NKAIN2: variants seen among roughly 807,000 people sequenced by gnomAD.
NKAIN2 encodes sodium/potassium-transporting ATPase subunit beta-1-interacting protein 2.
Under a neutral mutation model 32.6 loss-of-function variants are expected in NKAIN2, and 14 were observed. The ratio of observed to expected loss-of-function variants is 0.43; its 90% CI spans 0.28 to 0.67. The LOEUF is 0.67. Among genes scored for constraint, NKAIN2 ranks in the 30% least tolerant of loss-of-function variants. The probability of loss-of-function intolerance (pLI) is 0.17; values close to 1 mark genes in which losing one functional copy is unlikely to be tolerated. For missense variants in NKAIN2, 198 were observed against 258.3 expected (o/e 0.77, Z 1.60); for synonymous variants, 80 against 87.2 (o/e 0.92, Z 0.46).
intron 1 of NKAIN2, among the ~76,000 whole-genome samples, chr6:123,901,616 C>G (rs117051100): frequency 3.5e-4 from 53 of 152,158 alleles, no homozygotes; most frequent in African/African-American, 1.0e-3. Flanking sequence ...ATTTCCCTTC[C>G]GGCTCCCTCT....
chr6:124,680,838 G>A (rs1291771038), intron 4 of NKAIN2, among the ~76,000 whole-genome samples: 4 of 151,760 alleles, frequency 2.6e-5, no homozygotes, highest in Admixed American at 6.6e-5. Flanking sequence ...TGTTCAATGA[G>A]ATACCTAACT....
chr6:124,797,015 G>A (rs2114821183), intron 5 of NKAIN2, among the ~76,000 whole-genome samples: 1 of 151,978 alleles, frequency 6.6e-6, no homozygotes, highest in South Asian at 2.1e-4. Flanking sequence ...TGGCTCTTCT[G>A]TCTCACTTCA....
intron 3 of NKAIN2, among the ~76,000 whole-genome samples, chr6:124,481,743 G>A (rs555484764): frequency 6.6e-6 from 1 of 152,060 alleles, no homozygotes; most frequent in Non-Finnish European, 1.5e-5. Context: ...AATTTGTTTA[G>A]ATATTCATTA....
At chr6:124,658,000 G>A (rs1365288455) in intron 3 of NKAIN2, among the ~76,000 whole-genome samples, 186 bp from the exon 4 acceptor site, 1 of 151,660 alleles carries the variant, frequency 6.6e-6, no homozygotes, top group Non-Finnish European at 1.5e-5. Context: ...TCATAAGTAG[G>A]ATGAATCCAT....
chr6:124,764,282 T>C (rs937114671), intron 4 of NKAIN2, among the ~76,000 whole-genome samples: 17 of 152,206 alleles, frequency 1.1e-4, no homozygotes, highest in Non-Finnish European at 2.5e-4. Context: ...TGTGAAAACC[T>C]TGAAAGTTTT....
intron 3 of NKAIN2, among the ~76,000 whole-genome samples, chr6:124,541,270 T>C (rs1779900674): frequency 6.6e-6 from 1 of 152,196 alleles, no homozygotes; most frequent in African/African-American, 2.4e-5. Flanking sequence ...GTAGTCTCTA[T>C]ATTATTGAAG....
chr6:124,150,643 T>A (rs1787666978), intron 1 of NKAIN2, among the ~76,000 whole-genome samples: 1 of 152,188 alleles, frequency 6.6e-6, no homozygotes. Context: ...CAATTCTGTA[T>A]GAAAATCTTT....
chr6:124,379,238 A>AGGGAGGGAGGGGGGGGGAGGAAGGG (rs1800148583), intron 3 of NKAIN2, among the ~76,000 whole-genome samples: 1 of 11,556 alleles, frequency 8.7e-5, no homozygotes, highest in Non-Finnish European at 1.9e-4. Flanking sequence ...GGGAGGAAGG[A>AGGGAGGGAGGGGGGGGGAGGAAGGG]GAGAAGGGAG....
intron 4 of NKAIN2, among the ~76,000 whole-genome samples, chr6:124,739,795 C>T (rs1268127442): frequency 1.3e-5 from 2 of 151,904 alleles, no homozygotes; most frequent in Non-Finnish European, 2.9e-5. Flanking sequence ...GATTCAAAAA[C>T]AGCCCGTGTG....
At chr6:123,935,784 C>G (rs1038268571) in intron 1 of NKAIN2, among the ~76,000 whole-genome samples, 11 of 151,958 alleles carry the variant, frequency 7.2e-5, no homozygotes, top group Non-Finnish European at 1.5e-4. Flanking sequence ...ATTTTCCAAC[C>G]ATGGAAACTG....
At chr6:124,690,547 T>C (rs1214657212) in intron 4 of NKAIN2, among the ~76,000 whole-genome samples, 1 of 152,204 alleles carries the variant, frequency 6.6e-6, no homozygotes, top group Non-Finnish European at 1.5e-5. Context: ...CACCATTAAA[T>C]ATGATGTAGC....
intron 4 of NKAIN2, among the ~76,000 whole-genome samples, chr6:124,730,380 G>A (rs1303980851): frequency 5.9e-5 from 6 of 101,808 alleles, no homozygotes; most frequent in Non-Finnish European, 1.2e-4. Context: ...CAATGGAACA[G>A]AACAGAGCCC....
intron 1 of NKAIN2, among the ~76,000 whole-genome samples, chr6:123,882,419 C>T (rs374775392): frequency 6.0e-4 from 92 of 152,090 alleles, no homozygotes; most frequent in Admixed American, 1.0e-3. Context: ...ATCTTGATTT[C>T]CAATGATTGT....
At chr6:124,696,227 G>A (rs1774488787) in intron 4 of NKAIN2, among the ~76,000 whole-genome samples, 2 of 152,136 alleles carry the variant, frequency 1.3e-5, no homozygotes, top group South Asian at 4.1e-4. Flanking sequence ...TGGAGAAGAT[G>A]AATTCTGGTT....
chr6:123,848,390 G>A (rs538643250), intron 1 of NKAIN2, among the ~76,000 whole-genome samples: 33 of 152,240 alleles, frequency 2.2e-4, no homozygotes, highest in Admixed American at 3.9e-4. Context: ...CCCATGTGTC[G>A]TGGGAGGGAC....
chr6:123,928,492 T>C (rs1359571292), intron 1 of NKAIN2, among the ~76,000 whole-genome samples: 1 of 152,228 alleles, frequency 6.6e-6, no homozygotes, highest in Non-Finnish European at 1.5e-5. Flanking sequence ...TTGCGTCTTT[T>C]ACATTTATTT....
chr6:123,960,996 C>T (rs954375345), intron 1 of NKAIN2, among the ~76,000 whole-genome samples: 4 of 151,996 alleles, frequency 2.6e-5, no homozygotes, highest in Non-Finnish European at 4.4e-5. Context: ...AATAGACTCC[C>T]TTCTTTTCCA....
chr6:124,720,301 A>T (rs1303121212), intron 4 of NKAIN2, among the ~76,000 whole-genome samples: 1 of 152,172 alleles, frequency 6.6e-6, no homozygotes, highest in African/African-American at 2.4e-5. Context: ...CCTCTTTAGG[A>T]TTCACTAGAC....
intron 1 of NKAIN2, among the ~76,000 whole-genome samples, chr6:124,218,864 A>G (rs889354237): frequency 6.6e-6 from 1 of 152,222 alleles, no homozygotes; most frequent in Non-Finnish European, 1.5e-5. Context: ...GAGATACCCA[A>G]GACTGGGTAA....
Sources: gnomAD v4.1 joint callset for allele counts (sites outside exome capture counted in the v4.1 genomes callset) on GRCh38, gnomAD v4.1.1 for gene constraint, MANE v1.5 for transcripts, NCBI Gene and HGNC (gene_info 2026-07-23, HGNC 2026-07-21) for gene names.